Variants in LOC122539214 observed in about 807,000 individuals in gnomAD.
At chr19:52,684,035 A>G in the LOC122539214 span, among the ~76,000 whole-genome samples, 2 of 152,214 alleles carry the variant, frequency 1.3e-5, no homozygotes, top group Non-Finnish European at 2.9e-5. Flanking sequence ...CGAGTTTGAG[A>G]TTAGCCATGC....
At chr19:52,684,787 G>C in the LOC122539214 span, among the ~76,000 whole-genome samples, 1 of 152,002 alleles carries the variant, frequency 6.6e-6, no homozygotes, top group Admixed American at 6.6e-5. Context: ...AAAGGTTTTG[G>C]TGTTTGGGAA....
chr19:52,672,800 G>A, the LOC122539214 span, among the ~76,000 whole-genome samples: 27 of 152,120 alleles, frequency 1.8e-4, no homozygotes, highest in Admixed American at 7.9e-4. Flanking sequence ...GGGTTTCACC[G>A]TGTTGGCCAG....
chr19:52,671,823 T>C, the LOC122539214 span, among the ~76,000 whole-genome samples: 12 of 152,208 alleles, frequency 7.9e-5, no homozygotes, highest in African/African-American at 2.9e-4. Context: ...CTATAAAATA[T>C]GCAGTCTTTA....
chr19:52,666,904 CAGAAGCAGAGTTAG>C, the LOC122539214 span, among the ~76,000 whole-genome samples: 1 of 152,118 alleles, frequency 6.6e-6, no homozygotes, highest in East Asian at 1.9e-4. Context: ...GAAACTCTTG[CAGAAGCAGAGTTAG>C]GAAAATTGCC....
chr19:52,687,439 G>T, the LOC122539214 span, among the ~76,000 whole-genome samples: 16,830 of 18,600 alleles, frequency 0.9, 8,178 homozygotes, highest in Middle Eastern at 1. Flanking sequence ...AATTTATATA[G>T]CTATATAAAT....
chr19:52,677,093 C>T, the LOC122539214 span, among the ~76,000 whole-genome samples: 1 of 145,582 alleles, frequency 6.9e-6, no homozygotes, highest in Non-Finnish European at 1.5e-5. Context: ...GCCAAATCCC[C>T]CTCTGTGAGA....
the LOC122539214 span, among the ~76,000 whole-genome samples, chr19:52,665,482 T>C: frequency 6.6e-6 from 1 of 152,232 alleles, no homozygotes; most frequent in Non-Finnish European, 1.5e-5. Flanking sequence ...GTTCCTTACA[T>C]TTGTTATTTT....
chr19:52,676,198 G>A, the LOC122539214 span, among the ~76,000 whole-genome samples: 1 of 152,198 alleles, frequency 6.6e-6, no homozygotes, highest in African/African-American at 2.4e-5. Flanking sequence ...GGTTGGGCTG[G>A]TCTCCAGCTC....
the LOC122539214 span, among the ~76,000 whole-genome samples, chr19:52,675,366 A>T: frequency 6.6e-6 from 1 of 152,204 alleles, no homozygotes; most frequent in African/African-American, 2.4e-5. Flanking sequence ...ACAGGAAATG[A>T]CCAGTCACAG....
the LOC122539214 span, chr19:52,652,734 C>G: frequency 1.4e-6 from 1 of 731,216 alleles, no homozygotes; most frequent in Non-Finnish European, 2.3e-6. Flanking sequence ...TGTAAAGTTT[C>G]CCTATACCAT....
At chr19:52,676,175 G>T in the LOC122539214 span, among the ~76,000 whole-genome samples, 1 of 152,200 alleles carries the variant, frequency 6.6e-6, no homozygotes, top group Non-Finnish European at 1.5e-5. Context: ...TGGAGACGGG[G>T]TTTCGCTGTG....
chr19:52,686,019 A>C, the LOC122539214 span, among the ~76,000 whole-genome samples: 105,202 of 151,924 alleles, frequency 0.69, 37,777 homozygotes, highest in African/African-American at 0.9. Context: ...GGGAAACATG[A>C]ACTTAATAGC....
chr19:52,689,512 C>T, the LOC122539214 span, among the ~76,000 whole-genome samples: 12 of 152,152 alleles, frequency 7.9e-5, no homozygotes, highest in Admixed American at 3.9e-4. Flanking sequence ...CCCTCCTCCT[C>T]TCCCTCACCC....
At chr19:52,669,459 G>A in the LOC122539214 span, among the ~76,000 whole-genome samples, 3 of 152,274 alleles carry the variant, frequency 2.0e-5, no homozygotes, top group East Asian at 5.8e-4. Context: ...AGGAATAGCT[G>A]AGCAATTAGG....
chr19:52,652,931 C>T, the LOC122539214 span: 1 of 1,196,264 alleles, frequency 8.4e-7, no homozygotes, highest in South Asian at 1.2e-5. Flanking sequence ...TAATGGTATA[C>T]AAAGGATGAC....
chr19:52,676,779 C>T, the LOC122539214 span, among the ~76,000 whole-genome samples: 152 of 138,562 alleles, frequency 1.1e-3, 1 homozygote, highest in African/African-American at 4.1e-3. Context: ...TTGTTCTGCA[C>T]TAAGAAAAAT....
the LOC122539214 span, among the ~76,000 whole-genome samples, chr19:52,687,018 C>T: frequency 3.3e-5 from 5 of 151,696 alleles, no homozygotes; most frequent in Non-Finnish European, 1.5e-5. Context: ...CCTGTCTCTA[C>T]TAAAAATACA....
At chr19:52,678,527 T>A in the LOC122539214 span, among the ~76,000 whole-genome samples, 1 of 151,958 alleles carries the variant, frequency 6.6e-6, no homozygotes, top group Admixed American at 6.6e-5. Flanking sequence ...GGGTGTCTCT[T>A]TTCCTGGTTC....
chr19:52,685,399 G>A, the LOC122539214 span, among the ~76,000 whole-genome samples: 2 of 152,134 alleles, frequency 1.3e-5, no homozygotes, highest in African/African-American at 4.8e-5. Context: ...GAAAATTACA[G>A]AAGCATCTTT....
Sources: gnomAD v4.1 joint callset for allele counts (sites outside exome capture counted in the v4.1 genomes callset) on GRCh38, gnomAD v4.1.1 for gene constraint, MANE v1.5 for transcripts.